ANKRD13C: variants seen among roughly 807,000 people sequenced by gnomAD.
ANKRD13C encodes the protein ankyrin repeat domain 13C.
Under a neutral mutation model 65.5 loss-of-function variants are expected in ANKRD13C, and 16 were observed. The ratio of observed to expected loss-of-function variants is 0.24; its 90% CI spans 0.17 to 0.37. The LOEUF (loss-of-function observed/expected upper bound fraction) is 0.37, where lower values mean the gene tolerates loss of function less well. Ranked by LOEUF, ANKRD13C falls within the 10% of genes least tolerant of loss-of-function variation. The pLI is 1.00. For missense variants in ANKRD13C, 503 were observed against 655.9 expected (o/e 0.77, Z 2.55); for synonymous variants, 235 against 238.7 (o/e 0.98, Z 0.14).
chr1:70,275,250 G>A (rs992236222), intron 10 of ANKRD13C, among the ~76,000 whole-genome samples: 2 of 152,138 alleles, frequency 1.3e-5, no homozygotes, highest in Non-Finnish European at 2.9e-5. Flanking sequence ...ATTATCAAAA[G>A]AAAATTATCA....
rs200141037 is a variant in ANKRD13C, at chr1:70,313,806, T to C, written c.664-16A>G. On this transcript the variant is annotated splice_polypyrimidine_tract_variant and intron_variant, in intron 4 of 12. Transcript: ENST00000370944. ...AGTCACCTAGCTGAAAAATGAAATA[T>C]GAATAATTACTAAATGCACCTTAGT... The C allele has an allele frequency of 2.3e-5, 37 of 1,595,796 alleles. No individual in the cohort carries two copies. Among genetic ancestry groups the C allele is most frequent in the African/African-American group, 4.0e-5 (3 of 74,648 alleles).
intron 9 of ANKRD13C, among the ~76,000 whole-genome samples, chr1:70,288,226 CAT>C (rs1164614529): frequency 1.3e-5 from 2 of 151,992 alleles, no homozygotes; most frequent in Admixed American, 6.6e-5. Flanking sequence ...GAATGAGTAA[CAT>C]AGAAAATAAT....
chr1:70,345,525 T>C (rs1682489823), intron 1 of ANKRD13C, among the ~76,000 whole-genome samples: 1 of 152,198 alleles, frequency 6.6e-6, no homozygotes, highest in African/African-American at 2.4e-5. Flanking sequence ...TCTTGTGCTT[T>C]GAATGGATCT....
intron 11 of ANKRD13C, among the ~76,000 whole-genome samples, chr1:70,272,162 TC>T (rs1401688448): frequency 6.7e-6 from 1 of 149,104 alleles, no homozygotes; most frequent in East Asian, 1.9e-4. Context: ...TAGGTAATTT[TC>T]TTTTTTTTTT....
intron 5 of ANKRD13C, among the ~76,000 whole-genome samples, chr1:70,311,047 A>G (rs1680826038): frequency 6.6e-6 from 1 of 152,252 alleles, no homozygotes; most frequent in South Asian, 2.1e-4. Context: ...AATGTGAGAA[A>G]AAACTGATTA....
intron 10 of ANKRD13C, 104 bp downstream of exon 10, chr1:70,276,661 A>C (rs1249227840): frequency 5.2e-6 from 5 of 960,384 alleles, no homozygotes; most frequent in Non-Finnish European, 6.2e-6. Context: ...AAATATACCA[A>C]TAATTCTCTC....
intron 6 of ANKRD13C, among the ~76,000 whole-genome samples, chr1:70,302,446 G>GGACTCTT (rs1680402409): frequency 9.0e-6 from 1 of 110,768 alleles, no homozygotes; most frequent in African/African-American, 4.0e-5. Context: ...AATAGTATTG[G>GGACTCTT]CCGGGCGCGG....
In ANKRD13C at chr1:70,306,262, G is replaced by T; in HGVS notation, c.738C>A (p.Ser246=). 1.3e-6 allele frequency: 2 copies of T among 1,578,324 alleles called. No individual in the cohort carries two copies. The highest frequency in any genetic ancestry group is 1.3e-5 in the African/African-American group (1 of 74,190). ...WVPLLSRILP[S]DACKIYKQGI... is the part of the protein sequence containing the mutation. ...CTTGTTTGTATATTTTACATGCATC[G>T]GAAGGCAGAATTCGGGAAAGTAAAG... Residue 246 remains serine (S), a synonymous_variant, in exon 6 of 13, where the codon TCC becomes TCA. Transcript: ENST00000370944.
At chr1:70,338,246 T>G (rs915136748) in intron 1 of ANKRD13C, among the ~76,000 whole-genome samples, 2 of 152,188 alleles carry the variant, frequency 1.3e-5, no homozygotes, top group Admixed American at 6.5e-5. Flanking sequence ...CAAACAACTG[T>G]ATGTCGGCAA....
intron 3 of ANKRD13C, among the ~76,000 whole-genome samples, chr1:70,317,572 A>T (rs1281331193): frequency 6.6e-6 from 1 of 152,178 alleles, no homozygotes; most frequent in Non-Finnish European, 1.5e-5. Flanking sequence ...CAGTAAAAAA[A>T]ATTTTTCTGG....
chr1:70,294,471 A>G (rs912839172), intron 8 of ANKRD13C, among the ~76,000 whole-genome samples: 2 of 152,206 alleles, frequency 1.3e-5, no homozygotes, highest in East Asian at 1.9e-4. Context: ...GACTTTAAGT[A>G]GAGCTAATTA....
intron 12 of ANKRD13C, among the ~76,000 whole-genome samples, chr1:70,263,480 T>A (rs1048068948): frequency 2.0e-5 from 3 of 152,022 alleles, no homozygotes; most frequent in Non-Finnish European, 2.9e-5. Context: ...TCAGAAAGAG[T>A]AAAATAAATA....
chr1:70,322,148 C>G (rs1252190851), intron 3 of ANKRD13C, among the ~76,000 whole-genome samples: 2 of 152,074 alleles, frequency 1.3e-5, no homozygotes, highest in African/African-American at 4.8e-5. Context: ...AACCCCATCT[C>G]TACTAAAAAT....
intron 9 of ANKRD13C, among the ~76,000 whole-genome samples, chr1:70,278,718 C>T (rs1411664025): frequency 1.3e-5 from 2 of 151,946 alleles, no homozygotes; most frequent in African/African-American, 4.8e-5. Context: ...TGTTAATGAG[C>T]CATATATTAG....
chr1:70,284,479 G>A (rs1179262680), intron 9 of ANKRD13C, among the ~76,000 whole-genome samples: 13 of 151,822 alleles, frequency 8.6e-5, no homozygotes, highest in Non-Finnish European at 1.6e-4. Flanking sequence ...TATTTCTTAA[G>A]GTTTTCCCCA....
chr1:70,264,834 G>A (rs1678541829), intron 12 of ANKRD13C, among the ~76,000 whole-genome samples: 2 of 152,106 alleles, frequency 1.3e-5, no homozygotes, highest in African/African-American at 2.4e-5. Context: ...CTCAGTGTTG[G>A]GGGTACGAGC....
chr1:70,346,319 T>C (rs993403146), intron 1 of ANKRD13C, among the ~76,000 whole-genome samples: 2 of 152,170 alleles, frequency 1.3e-5, no homozygotes, highest in Non-Finnish European at 2.9e-5. Flanking sequence ...TTTTAATTTT[T>C]AAAAATTAAA....
intron 1 of ANKRD13C, among the ~76,000 whole-genome samples, chr1:70,341,901 T>C (rs1046743285): frequency 1.3e-5 from 2 of 152,026 alleles, no homozygotes; most frequent in South Asian, 2.1e-4. Flanking sequence ...GTTATGAGTC[T>C]GGTGCAATAT....
At chr1:70,287,983 C>T (rs1679696300) in intron 9 of ANKRD13C, among the ~76,000 whole-genome samples, 1 of 152,210 alleles carries the variant, frequency 6.6e-6, no homozygotes, top group African/African-American at 2.4e-5. Context: ...CGTGCCACTG[C>T]ACTCCTGGTC....
Sources: allele counts gnomAD v4.1 joint callset (sites outside exome capture counted in the v4.1 genomes callset), GRCh38; gene constraint gnomAD v4.1.1; transcripts MANE v1.5; gene names NCBI Gene and HGNC (gene_info 2026-07-23, HGNC 2026-07-21).